INTU: variants seen among roughly 807,000 people sequenced by gnomAD.
INTU encodes the protein inturned planar cell polarity protein, also known as protein inturned.
A neutral mutation model predicts 100.5 loss-of-function variants in INTU; 68 were observed. The observed-to-expected ratio is 0.68, with a 90% confidence interval of 0.56 to 0.83. INTU has a LOEUF of 0.83. Ranked by LOEUF, INTU falls within the 40% of genes least tolerant of loss-of-function variation. The pLI is 0.00. For missense variants in INTU, 1,071 were observed against 1,114.7 expected (o/e 0.96, Z 0.56); for synonymous variants, 357 against 395.7 (o/e 0.90, Z 1.16).
In INTU at chr4:127,706,616, T is replaced by G; in HGVS notation, c.1918T>G (p.Ser640Ala). 2 of 1,614,066 alleles carry G rather than the reference T, an allele frequency of 1.2e-6. No homozygotes were observed. Among genetic ancestry groups the G allele is most frequent in the Non-Finnish European group, 8.5e-7 (1 of 1,179,984 alleles). ...TCTTCACCAGCTGGATGGAGTAGAT[T>G]CTCGCATAGATGAACGGCTAGCATC... ...TTLHQLDGVD[S>A]RIDERLASSP... is the part of the protein sequence containing the mutation. Residue 640 changes from serine to alanine, a missense_variant, in exon 12 of 16, where the codon TCT becomes GCT. Transcript: ENST00000335251.
chr4:127,664,454 G>C (rs531168640), intron 4 of INTU, among the ~76,000 whole-genome samples: 9 of 151,844 alleles, frequency 5.9e-5, no homozygotes, highest in Non-Finnish European at 1.2e-4. Flanking sequence ...AATTAAGAAA[G>C]ATATAGAAAT....
intron 9 of INTU, among the ~76,000 whole-genome samples, chr4:127,701,317 G>A (rs1314961715): frequency 6.6e-6 from 1 of 152,172 alleles, no homozygotes; most frequent in Non-Finnish European, 1.5e-5. Flanking sequence ...GAGAAGTTGA[G>A]AGAGATCTCA....
At chr4:127,654,636 C>G (rs546843593) in intron 2 of INTU, among the ~76,000 whole-genome samples, 24 of 151,372 alleles carry the variant, frequency 1.6e-4, no homozygotes, top group African/African-American at 5.6e-4. Context: ...CCCGACCTTT[C>G]TCTCTGGCTG....
chr4:127,651,112 A>G (rs1186390241), intron 2 of INTU, among the ~76,000 whole-genome samples: 13 of 151,648 alleles, frequency 8.6e-5, no homozygotes, highest in Non-Finnish European at 1.9e-4. Flanking sequence ...TAGATTCTGG[A>G]TATTAGCCCT....
intron 6 of INTU, among the ~76,000 whole-genome samples, chr4:127,676,669 G>A (rs1003378878): frequency 2.0e-5 from 3 of 152,008 alleles, no homozygotes; most frequent in South Asian, 2.1e-4. Flanking sequence ...CAGCGTGAGC[G>A]ATGCAGAAGA....
intron 2 of INTU, among the ~76,000 whole-genome samples, chr4:127,650,198 T>TTTTTG (rs1035020188): frequency 6.6e-6 from 1 of 151,924 alleles, no homozygotes; most frequent in Non-Finnish European, 1.5e-5. Context: ...TTCAGGTGGG[T>TTTTTG]TTTTGTTTTG....
chr4:127,712,811 G>A (rs1281755785), intron 14 of INTU, among the ~76,000 whole-genome samples: 4 of 152,208 alleles, frequency 2.6e-5, no homozygotes, highest in Admixed American at 6.5e-5. Context: ...TACCGCCTGA[G>A]GTCTGCCTCC....
intron 3 of INTU, among the ~76,000 whole-genome samples, chr4:127,657,934 A>T (rs1168338519): frequency 6.6e-6 from 1 of 152,162 alleles, no homozygotes; most frequent in Non-Finnish European, 1.5e-5. Flanking sequence ...TCTGTGGAAA[A>T]ATCGTCTTGC....
chr4:127,688,084 T>C (rs1388364864), intron 8 of INTU, among the ~76,000 whole-genome samples: 2 of 152,176 alleles, frequency 1.3e-5, no homozygotes, highest in Non-Finnish European at 1.5e-5. Context: ...CTTTTAAATT[T>C]AAGCTTTATC....
intron 8 of INTU, among the ~76,000 whole-genome samples, chr4:127,690,671 GT>G (rs1034584213): frequency 1.3e-5 from 2 of 152,050 alleles, no homozygotes; most frequent in East Asian, 1.9e-4. Context: ...AACATTTGAA[GT>G]TTTTTTTATT....
intron 9 of INTU, among the ~76,000 whole-genome samples, chr4:127,700,567 G>A (rs975305312): frequency 6.6e-6 from 1 of 152,038 alleles, no homozygotes; most frequent in African/African-American, 2.4e-5. Context: ...TTCAAAATTG[G>A]GGCTGAAAAT....
intron 15 of INTU, among the ~76,000 whole-genome samples, chr4:127,714,800 G>A (rs559833058): frequency 6.6e-6 from 1 of 152,010 alleles, no homozygotes; most frequent in Non-Finnish European, 1.5e-5. Flanking sequence ...TCCACCACTG[G>A]CACCTGCAAC....
At position 127,724,819 on chromosome 4, in the gene INTU, T is replaced by C. The variant is rs576269820; in HGVS notation, c.*8383T>C. On this transcript the variant is annotated 3_prime_UTR_variant, in exon 16 of 16. Coordinates refer to ENST00000335251, the MANE Select transcript of INTU (RefSeq NM_015693.4). Reference sequence around the variant, plus strand: ...AACTGCAAAACACTGGGTGTACCATTTGAGTCATTTGGTCTTAAAAGAAAC... The same window carrying C: ...AACTGCAAAACACTGGGTGTACCATCTGAGTCATTTGGTCTTAAAAGAAAC... 3.9e-5 allele frequency: 6 copies of C among 152,264 alleles called. No homozygotes were observed. The highest frequency in any genetic ancestry group is 2.1e-4 in the South Asian group (1 of 4,818). 9.4% of individuals were successfully genotyped at this position (152,264 alleles called of 1,614,324 possible).
At chr4:127,670,103 A>G (rs1425065848) in intron 5 of INTU, among the ~76,000 whole-genome samples, 1 of 151,902 alleles carries the variant, frequency 6.6e-6, no homozygotes, top group Non-Finnish European at 1.5e-5. Context: ...TTGAAATGCC[A>G]TAGTTAATTT....
intron 14 of INTU, among the ~76,000 whole-genome samples, chr4:127,713,201 C>T (rs1457365286): frequency 6.6e-6 from 1 of 152,132 alleles, no homozygotes; most frequent in South Asian, 2.1e-4. Flanking sequence ...AACAGAATAG[C>T]AAGGGTGGAG....
At chr4:127,665,110 T>C (rs1728637812) in intron 4 of INTU, among the ~76,000 whole-genome samples, 1 of 151,522 alleles carries the variant, frequency 6.6e-6, no homozygotes, top group Admixed American at 6.6e-5. Flanking sequence ...CCTTTACTCA[T>C]GTGCTATTGT....
intron 6 of INTU, among the ~76,000 whole-genome samples, chr4:127,675,226 T>C (rs1409454286): frequency 6.6e-6 from 1 of 152,196 alleles, no homozygotes; most frequent in Non-Finnish European, 1.5e-5. Context: ...GCGTATGGTC[T>C]ACAAAATAGG....
chr4:127,699,937 A>C, intron 8 of INTU, 73 bp from the exon 9 acceptor site: 1 of 1,096,610 alleles, frequency 9.1e-7, no homozygotes, highest in Non-Finnish European at 1.3e-6. Flanking sequence ...AGCACTTTTT[A>C]TATGGCCATT....
chr4:127,655,341 C>T (rs1171772791), intron 2 of INTU, among the ~76,000 whole-genome samples: 1 of 151,912 alleles, frequency 6.6e-6, no homozygotes, highest in Non-Finnish European at 1.5e-5. Context: ...GTTTTTTCCC[C>T]ATCTTTGTGG....
Sources: gnomAD v4.1 joint callset for allele counts (sites outside exome capture counted in the v4.1 genomes callset) on GRCh38, gnomAD v4.1.1 for gene constraint, MANE v1.5 for transcripts, NCBI Gene and HGNC (gene_info 2026-07-23, HGNC 2026-07-21) for gene names.